The following NCALD variants were observed in gnomAD, a reference collection of about 807,000 sequenced individuals.
The protein encoded by NCALD is neurocalcin delta, also known as neurocalcin-delta.
NCALD carries 10 observed loss-of-function variants against 18.6 expected under a neutral mutation model. That is an observed-to-expected ratio of 0.54 (90% confidence interval 0.33 to 0.91). The LOEUF (loss-of-function observed/expected upper bound fraction) is 0.91, where lower values mean the gene tolerates loss of function less well. Ranked by LOEUF, NCALD falls within the 40% of genes least tolerant of loss-of-function variation. The probability of loss-of-function intolerance (pLI) is 0.03; values close to 1 mark genes in which losing one functional copy is unlikely to be tolerated. For synonymous variants in NCALD, 88 were observed against 87.4 expected (o/e 1.01, Z -0.04); for missense variants, 184 against 247.6 (o/e 0.74, Z 1.72).
chr8:101,787,825 T>C (rs1812288734), intron 1 of NCALD, among the ~76,000 whole-genome samples: 1 of 152,178 alleles, frequency 6.6e-6, no homozygotes. Context: ...AACATGACAA[T>C]TGATCAATTC....
intron 1 of NCALD, among the ~76,000 whole-genome samples, chr8:101,769,730 T>C (rs1388106930): frequency 6.6e-6 from 1 of 152,204 alleles, no homozygotes; most frequent in African/African-American, 2.4e-5. Flanking sequence ...CTCTTCCTAA[T>C]TTTGATTCTA....
At chr8:102,005,776 G>A (rs1279688103) in intron 2 of NCALD, among the ~76,000 whole-genome samples, 3 of 147,526 alleles carry the variant, frequency 2.0e-5, no homozygotes, top group Non-Finnish European at 4.4e-5. Flanking sequence ...CTATCGCAAG[G>A]ACAAAAAAAC....
chr8:101,691,674 CA>C, intron 3 of NCALD: 3 of 985,342 alleles, frequency 3.0e-6, no homozygotes, highest in East Asian at 2.3e-4. Context: ...AGGATGTTTC[CA>C]AATGGAATGG....
At position 101,804,863 on chromosome 8, in the gene NCALD, G is replaced by T. The variant is rs549169492; in HGVS notation, c.-20+82278C>A. Among the ~76,000 whole-genome samples, 10 of 151,028 alleles carry T rather than the reference G, an allele frequency of 6.6e-5. 1 individual carries two copies. The South Asian group carries it at 1.9e-3, about 28-fold the overall frequency. ...ATGTTCACTTTCACTTTATTGCAGT[G>T]GGCTGGAATCAAACCTGCAATACCT... On this transcript the variant is annotated intron_variant, in intron 4 of 6. Transcript: ENST00000311028.
At chr8:101,775,994 T>C (rs1028381531) in intron 1 of NCALD, among the ~76,000 whole-genome samples, 1 of 152,172 alleles carries the variant, frequency 6.6e-6, no homozygotes, top group Non-Finnish European at 1.5e-5. Context: ...TGCTGAGAAG[T>C]TGGGGATGTG....
At position 101,686,656 on chromosome 8, in the gene NCALD, G is replaced by C. The variant is rs139100242; in HGVS notation, c.*2653C>G. Reference sequence around the variant, plus strand: ...ATTATATATTATTAAATCCACCGTGGGCATACAGATGGGATGGGACAGCAC... The same window carrying C: ...ATTATATATTATTAAATCCACCGTGCGCATACAGATGGGATGGGACAGCAC... On this transcript the variant is annotated 3_prime_UTR_variant, in exon 4 of 4. Coordinates refer to ENST00000220931, the MANE Select transcript of NCALD (RefSeq NM_032041.3). 11 of 152,586 alleles carry C rather than the reference G, an allele frequency of 7.2e-5. No homozygotes were observed. Among genetic ancestry groups the C allele is most frequent in the African/African-American group, 2.4e-4 (10 of 41,474 alleles). The allele number at this position is 152,586 out of a possible 1,614,324, so 9.5% of individuals were successfully genotyped here. A position where few individuals can be genotyped will look rare whatever the true frequency, so the allele number is the denominator to read the frequency against.
intron 1 of NCALD, among the ~76,000 whole-genome samples, chr8:102,037,555 C>T (rs1386692518): frequency 6.6e-6 from 1 of 152,168 alleles, no homozygotes; most frequent in Non-Finnish European, 1.5e-5. Flanking sequence ...ATATCAGGAG[C>T]TATCTCCTAG....
intron 1 of NCALD, among the ~76,000 whole-genome samples, chr8:101,773,382 C>T (rs540307915): frequency 6.6e-6 from 1 of 152,302 alleles, no homozygotes; most frequent in South Asian, 2.1e-4. Context: ...ACTGCTAAAC[C>T]ACTCTGTGCA....
At chr8:102,079,654 A>G (rs938059457) in intron 1 of NCALD, among the ~76,000 whole-genome samples, 2 of 152,256 alleles carry the variant, frequency 1.3e-5, no homozygotes, top group African/African-American at 4.8e-5. Flanking sequence ...TTATGGGCAT[A>G]GCAACAAGGA....
At chr8:101,859,374 C>T (rs551460358) in intron 4 of NCALD, among the ~76,000 whole-genome samples, 1 of 152,294 alleles carries the variant, frequency 6.6e-6, no homozygotes, top group Non-Finnish European at 1.5e-5. Context: ...CCTCGGCTTG[C>T]AGACTGCCTA....
chr8:101,886,869 C>T (rs1586694345), intron 4 of NCALD, among the ~76,000 whole-genome samples: 1 of 152,220 alleles, frequency 6.6e-6, no homozygotes, highest in African/African-American at 2.4e-5. Context: ...TACTAAATCT[C>T]TTGTACTTAA....
intron 2 of NCALD, among the ~76,000 whole-genome samples, chr8:101,702,710 C>T (rs1462899706): frequency 6.6e-6 from 1 of 152,184 alleles, no homozygotes; most frequent in Admixed American, 6.5e-5. Context: ...TGGTGCGCAA[C>T]GGCAGAAGAG....
At chr8:101,933,095 C>A (rs1048151748) in intron 2 of NCALD, among the ~76,000 whole-genome samples, 12 of 152,284 alleles carry the variant, frequency 7.9e-5, no homozygotes, top group Admixed American at 3.3e-4. Context: ...TGTGTTTCTA[C>A]CCTGACCTAG....
At chr8:101,714,373 G>C (rs1815960939) in intron 2 of NCALD, among the ~76,000 whole-genome samples, 1 of 152,138 alleles carries the variant, frequency 6.6e-6, no homozygotes, top group African/African-American at 2.4e-5. Flanking sequence ...GCCAAATCAT[G>C]AGCAAACTCC....
chr8:101,735,259 T>C (rs1051183703), intron 1 of NCALD, among the ~76,000 whole-genome samples: 1 of 152,090 alleles, frequency 6.6e-6, no homozygotes, highest in African/African-American at 2.4e-5. Context: ...GAAAAGAGCA[T>C]GGAAAGTTAT....
chr8:101,907,897 T>C (rs566995663), intron 3 of NCALD, among the ~76,000 whole-genome samples: 3 of 152,344 alleles, frequency 2.0e-5, no homozygotes, highest in African/African-American at 7.2e-5. Flanking sequence ...AAGTTCATAA[T>C]AGCTACGTGC....
At chr8:101,872,525 C>T in intron 4 of NCALD, 1 of 712,934 alleles carries the variant, frequency 1.4e-6, no homozygotes, top group African/African-American at 1.7e-5. Flanking sequence ...TCATTCCACT[C>T]AGTGTCTGTG....
At chr8:101,850,150 C>A (rs1186114926) in intron 4 of NCALD, among the ~76,000 whole-genome samples, 1 of 152,110 alleles carries the variant, frequency 6.6e-6, no homozygotes. Context: ...CTGAAAGAGC[C>A]AAAGGAGTGT....
rs542243035 is a variant in NCALD at position 101,932,098 on chromosome 8, C to T, written c.-156-16240G>A. ...CCACCTACCCCTCTGTTTTCAGTGG[C>T]AGTTGGAAGGCAGATCGAGGTGAGT... On this transcript the variant is annotated intron_variant, in intron 2 of 6. Transcript: ENST00000311028. Among the ~76,000 whole-genome samples the T allele has an allele frequency of 5.9e-5, 9 of 152,272 alleles. No homozygotes were observed. The East Asian group carries it at 1.5e-3, about 26-fold the overall frequency.
Sources: allele counts gnomAD v4.1 joint callset (sites outside exome capture counted in the v4.1 genomes callset), GRCh38; gene constraint gnomAD v4.1.1; transcripts MANE v1.5; gene names NCBI Gene and HGNC (gene_info 2026-07-23, HGNC 2026-07-21).